GTF3C4: variants seen among roughly 807,000 people sequenced by gnomAD.
GTF3C4 encodes general transcription factor IIIC subunit 4.
In GTF3C4, 28 loss-of-function variants were observed where a neutral mutation model predicts 67.5. The observed-to-expected ratio is 0.41, with a 90% CI of 0.31 to 0.57. The LOEUF is 0.57. GTF3C4 is among the 20% of genes least tolerant of loss of function. The probability of loss-of-function intolerance (pLI) is 0.21; values close to 1 mark genes in which losing one functional copy is unlikely to be tolerated. For synonymous variants in GTF3C4, 409 were observed against 393.0 expected, an observed-to-expected ratio of 1.04 and a Z score of -0.48; for missense variants, 831 against 1,033.2, an observed-to-expected ratio of 0.80 and a Z score of 2.68.
intron 1 of GTF3C4, among the ~76,000 whole-genome samples, chr9:132,673,982 T>C (rs565649327): frequency 3.9e-5 from 6 of 152,230 alleles, no homozygotes; most frequent in Non-Finnish European, 8.8e-5. Context: ...ATAATATTTG[T>C]GTACCGAATT....
intron 1 of GTF3C4, among the ~76,000 whole-genome samples, chr9:132,675,320 C>T (rs1835848237): frequency 6.6e-6 from 1 of 152,152 alleles, no homozygotes; most frequent in South Asian, 2.1e-4. Flanking sequence ...CAAATTTCAT[C>T]TGCCTGTAGA....
chr9:132,685,852 G>C (rs1003355880), intron 3 of GTF3C4, among the ~76,000 whole-genome samples: 1 of 152,218 alleles, frequency 6.6e-6, no homozygotes, highest in Non-Finnish European at 1.5e-5. Flanking sequence ...AGGATTACAG[G>C]TGTGTGCCAT....
At chr9:132,684,774 G>A (rs896736973) in intron 3 of GTF3C4, among the ~76,000 whole-genome samples, 6 of 152,082 alleles carry the variant, frequency 3.9e-5, no homozygotes, top group South Asian at 2.1e-4. Context: ...TATCAGTTAG[G>A]CCTTCCTGGC....
In GTF3C4 at chr9:132,670,925, G is replaced by A. The variant is rs758351457; in HGVS notation, c.327G>A (p.Val109=). The A allele has an allele frequency of 1.2e-6, 2 of 1,612,006 alleles. No homozygotes were observed. Among genetic ancestry groups the A allele is most frequent in the South Asian group, 1.1e-5 (1 of 91,056 alleles). The change falls in exon 1 of 5, where the codon GTG becomes GTA. Residue 109 remains valine, a synonymous_variant. Coordinates refer to ENST00000372146, the MANE Select transcript of GTF3C4 (RefSeq NM_012204.4). ...ACCTGGTTATCCACCGCACCTCGGT[G>A]CCCGCACCGCTCAACAGCTGTCTCC... ...GQDLVIHRTS[V]PAPLNSCLLK... is the part of the protein sequence containing the mutation.
Position 132,687,314 on chromosome 9 carries a change from T to C in GTF3C4, c.2391T>C (p.His797=). 1 of 1,019,860 alleles carries C rather than the reference T, an allele frequency of 9.8e-7. No homozygotes were observed. The highest frequency in any genetic ancestry group is 1.4e-6 in the Non-Finnish European group (1 of 732,374). The allele number at this position is 1,019,860 out of a possible 1,614,324, so 63.2% of individuals were successfully genotyped here. A position where few individuals can be genotyped will look rare whatever the true frequency, so the allele number is the denominator to read the frequency against. ...RCLLHDSIAR[H]PAPEDPDWIK... is the part of the protein sequence containing the mutation. ...TGCTCCATGACAGCATTGCCCGGCATCCAGCTCCAGAAGGTGAGTGCTTTC... is the reference window on the plus strand; with the variant it reads ...TGCTCCATGACAGCATTGCCCGGCACCCAGCTCCAGAAGGTGAGTGCTTTC... The change falls in exon 4 of 5, where the codon CAT becomes CAC. Residue 797 remains histidine, a synonymous_variant. Coordinates refer to ENST00000372146, the MANE Select transcript of GTF3C4 (RefSeq NM_012204.4).
At chr9:132,674,216 A>G (rs556025393) in intron 1 of GTF3C4, among the ~76,000 whole-genome samples, 2 of 152,356 alleles carry the variant, frequency 1.3e-5, no homozygotes, top group South Asian at 4.1e-4. Flanking sequence ...TTACTTTTGC[A>G]CCAACCTAAT....
intron 2 of GTF3C4, among the ~76,000 whole-genome samples, chr9:132,683,259 G>A (rs1835975848): frequency 6.6e-6 from 1 of 152,150 alleles, no homozygotes; most frequent in South Asian, 2.1e-4. Flanking sequence ...CTAAAACAAG[G>A]CAAGTAATAA....
In GTF3C4 at chr9:132,679,515, G is replaced by A. The variant is rs1368253000; in HGVS notation, c.1896G>A (p.Val632=). The A allele has an allele frequency of 6.2e-7, 1 of 1,614,060 alleles. No individual in the cohort carries two copies. The highest frequency in any genetic ancestry group is 8.5e-7 in the Non-Finnish European group (1 of 1,180,032). The change falls in exon 2 of 5, where the codon GTG becomes GTA. Residue 632 remains valine (V), a synonymous_variant. Transcript: ENST00000372146. This position sits in a 1 kb window ranked among gnomAD's most constrained non-coding sequence, Gnocchi z 5.9. ...AAGGCACTTCTTCCAAACAGGTGGT[G>A]AAGCAAGGCCTGCAGGAGAGGAGCA... is the stretch of plus-strand genomic sequence containing the variant. ...QEEGTSSKQV[V]KQGLQERSKE... is the part of the protein sequence containing the mutation.
intron 1 of GTF3C4, among the ~76,000 whole-genome samples, chr9:132,672,256 A>G (rs900984006): frequency 4.6e-5 from 7 of 152,252 alleles, no homozygotes; most frequent in African/African-American, 1.7e-4. Context: ...AAGGATGTTC[A>G]TCCGCACAGC....
At chr9:132,683,539 T>G in intron 2 of GTF3C4, 24 bp from the exon 3 acceptor site, 1 of 1,600,208 alleles carries the variant, frequency 6.2e-7, no homozygotes, top group Non-Finnish European at 8.5e-7. Flanking sequence ...ACACTAAACT[T>G]TGCTGACTAC....
intron 1 of GTF3C4, 96 bp from the exon 2 acceptor site, chr9:132,677,881 C>T: frequency 1.1e-6 from 1 of 949,016 alleles, no homozygotes; most frequent in Non-Finnish European, 1.6e-6. Flanking sequence ...AATATGGGAA[C>T]CAGGCTATGA....
intron 3 of GTF3C4, among the ~76,000 whole-genome samples, chr9:132,685,005 A>C (rs979317533): frequency 2.9e-5 from 4 of 140,270 alleles, no homozygotes; most frequent in South Asian, 4.5e-4. Flanking sequence ...GTGGGCACTA[A>C]ATTTTTTAAT....
intron 4 of GTF3C4, among the ~76,000 whole-genome samples, chr9:132,688,668 T>G (rs1194700573): frequency 4.6e-5 from 7 of 152,266 alleles, no homozygotes; most frequent in African/African-American, 1.7e-4. Flanking sequence ...TCATTACATT[T>G]AACTTTGTGA....
chr9:132,688,122 A>AT, intron 4 of GTF3C4, among the ~76,000 whole-genome samples: 1 of 152,226 alleles, frequency 6.6e-6, no homozygotes, highest in East Asian at 1.9e-4. Context: ...GGAAACAACA[A>AT]TCATACACAA....
At position 132,687,319 on chromosome 9, in the gene GTF3C4, C is replaced by T; in HGVS notation, c.2396C>T (p.Ala799Val). The T allele has an allele frequency of 1.4e-6, 2 of 1,381,040 alleles. No homozygotes were observed. Among genetic ancestry groups the T allele is most frequent in the Non-Finnish European group, 2.0e-6 (2 of 1,005,020 alleles). The allele number at this position is 1,381,040 out of a possible 1,614,324, so 85.5% of individuals were successfully genotyped here. A position where few individuals can be genotyped will look rare whatever the true frequency, so the allele number is the denominator to read the frequency against. ...LLHDSIARHPAPEDPDWIKRL... is the reference protein window; with the variant it reads ...LLHDSIARHPVPEDPDWIKRL... ...CATGACAGCATTGCCCGGCATCCAG[C>T]TCCAGAAGGTGAGTGCTTTCCCTTA... The change falls in exon 4 of 5, where the codon GCT becomes GTT. Residue 799 changes from alanine to valine, a missense_variant. Around this residue, in one of 4 missense-constraint regions of GTF3C4, gnomAD observed 129 missense variants for 213.8 expected, o/e 0.60. Coordinates refer to ENST00000372146, the MANE Select transcript of GTF3C4 (RefSeq NM_012204.4).
chr9:132,682,948 A>G (rs987108893), intron 2 of GTF3C4, among the ~76,000 whole-genome samples: 2 of 152,156 alleles, frequency 1.3e-5, no homozygotes, highest in Non-Finnish European at 2.9e-5. Context: ...TGAAGCAAAG[A>G]AAGGCCTAGA....
intron 2 of GTF3C4, among the ~76,000 whole-genome samples, chr9:132,680,433 T>C (rs765838494): frequency 5.3e-5 from 8 of 152,246 alleles, no homozygotes; most frequent in Non-Finnish European, 1.2e-4. Flanking sequence ...AAGAAACTGA[T>C]ACCTTTGTGT....
rs775509957 is a variant in GTF3C4, at chr9:132,679,161, T to C, written c.1542T>C (p.Thr514=). 6.2e-7 allele frequency: 1 copy of C among 1,614,182 alleles called. No homozygotes were observed. Among genetic ancestry groups the C allele is most frequent in the East Asian group, 2.2e-5 (1 of 44,878 alleles). ...VNKNYQVQFV[T]LKTFEEAAAQ... ...AAAACTACCAGGTCCAATTTGTTAC[T>C]CTCAAAACCTTTGAAGAGGCAGCTG... Residue 514 remains threonine, a synonymous_variant, in exon 2 of 5, where the codon ACT becomes ACC. Coordinates refer to ENST00000372146, the MANE Select transcript of GTF3C4 (RefSeq NM_012204.4). The surrounding 1 kb of genome is among the most constrained non-coding windows in gnomAD (Gnocchi z 5.9).
chr9:132,690,680 C>G lies in GTF3C4; in HGVS notation c.*1735C>G, dbSNP rs1429344931. The G allele has an allele frequency of 1.3e-5, 2 of 152,144 alleles. No homozygotes were observed. The highest frequency in any genetic ancestry group is 6.5e-5 in the Admixed American group (1 of 15,276). The allele number at this position is 152,144 out of a possible 1,614,324, so 9.4% of individuals were successfully genotyped here. A position where few individuals can be genotyped will look rare whatever the true frequency, so the allele number is the denominator to read the frequency against. On this transcript the variant is annotated 3_prime_UTR_variant, in exon 5 of 5. Coordinates refer to ENST00000372146, the MANE Select transcript of GTF3C4 (RefSeq NM_012204.4). ...TAATTTCAAGAAGAGCGTTTATCCA[C>G]TATTGATTTTCAAGAAAGAAACCAA...
Sources: gnomAD v4.1 joint callset for allele counts (sites outside exome capture counted in the v4.1 genomes callset) on GRCh38, gnomAD v4.1.1 for gene constraint, gnomAD v4.1.1 regional missense constraint, Gnocchi (gnomAD v3.1) non-coding constraint, MANE v1.5 for transcripts, NCBI Gene and HGNC (gene_info 2026-07-23, HGNC 2026-07-21) for gene names.